Variants in ZBBX observed in about 807,000 individuals in gnomAD.
ZBBX encodes the protein zinc finger B-box domain containing.
ZBBX carries 101 observed loss-of-function variants against 108.5 expected under a neutral mutation model. The observed-to-expected ratio is 0.93, with a 90% CI of 0.79 to 1.10. ZBBX has a LOEUF of 1.10. Ranked by LOEUF, ZBBX falls within the 50% of genes least tolerant of loss-of-function variation. ZBBX has a pLI of 0.00. For missense variants in ZBBX, 1,009 were observed against 941.4 expected (o/e 1.07, Z -0.94); for synonymous variants, 356 against 323.4 (o/e 1.10, Z -1.08).
At chr3:167,323,046 C>T (rs1393396893) in intron 11 of ZBBX, among the ~76,000 whole-genome samples, 1 of 152,030 alleles carries the variant, frequency 6.6e-6, no homozygotes, top group Non-Finnish European at 1.5e-5. Flanking sequence ...AATCCCACTT[C>T]TATTTTTCCC....
At chr3:167,184,192 A>G in the ZBBX span, among the ~76,000 whole-genome samples, 2 of 152,246 alleles carry the variant, frequency 1.3e-5, no homozygotes, top group South Asian at 2.1e-4. Flanking sequence ...ATATGTAAAA[A>G]GAAAATAAAA....
At chr3:167,196,264 G>A in the ZBBX span, among the ~76,000 whole-genome samples, 1 of 152,204 alleles carries the variant, frequency 6.6e-6, no homozygotes, top group African/African-American at 2.4e-5. Flanking sequence ...ATGCTATCAT[G>A]TGAAACCAAT....
chr3:167,341,223 A>G (rs1049485251), intron 9 of ZBBX, among the ~76,000 whole-genome samples: 3 of 151,900 alleles, frequency 2.0e-5, no homozygotes, highest in Non-Finnish European at 4.4e-5. Context: ...AAAAAAAGCA[A>G]AGACCTGGAC....
chr3:167,246,177 C>A (rs1364927719), intron 20 of ZBBX, among the ~76,000 whole-genome samples: 1 of 152,194 alleles, frequency 6.6e-6, no homozygotes, highest in Non-Finnish European at 1.5e-5. Flanking sequence ...ATTATTATTA[C>A]TGATTAAATG....
intron 8 of ZBBX, among the ~76,000 whole-genome samples, chr3:167,359,327 T>G (rs1438175581): frequency 6.6e-6 from 1 of 152,064 alleles, no homozygotes; most frequent in Non-Finnish European, 1.5e-5. Flanking sequence ...CTTTCCAGGG[T>G]AAAGGTAATC....
At chr3:167,265,087 G>A (rs1030812349) in intron 20 of ZBBX, among the ~76,000 whole-genome samples, 2 of 152,218 alleles carry the variant, frequency 1.3e-5, no homozygotes, top group Non-Finnish European at 2.9e-5. Flanking sequence ...GGCCAAGCTG[G>A]TAGCCAGGGT....
the ZBBX span, among the ~76,000 whole-genome samples, chr3:167,192,060 T>C: frequency 6.6e-6 from 1 of 151,584 alleles, no homozygotes; most frequent in Non-Finnish European, 1.5e-5. Flanking sequence ...ATATTGCTTG[T>C]CTCTTGACAG....
chr3:167,297,503 G>C (rs1241066680), intron 18 of ZBBX, among the ~76,000 whole-genome samples: 1 of 151,748 alleles, frequency 6.6e-6, no homozygotes, highest in Non-Finnish European at 1.5e-5. Context: ...TGAAGGAACA[G>C]GCAAGAGCAG....
chr3:167,268,533 A>G (rs1725969083), intron 20 of ZBBX, among the ~76,000 whole-genome samples: 1 of 152,114 alleles, frequency 6.6e-6, no homozygotes, highest in South Asian at 2.1e-4. Context: ...CCCTGAACCC[A>G]CAACCTCTCT....
chr3:167,348,594 T>C (rs1259607056), intron 9 of ZBBX, among the ~76,000 whole-genome samples: 2 of 152,104 alleles, frequency 1.3e-5, no homozygotes, highest in Non-Finnish European at 2.9e-5. Flanking sequence ...CATCAAATTA[T>C]GCACCTTAAT....
At chr3:167,187,952 T>C in the ZBBX span, among the ~76,000 whole-genome samples, 2,024 of 152,312 alleles carry the variant, frequency 0.013, 22 homozygotes, top group South Asian at 0.026. Context: ...ATTGGTAGAA[T>C]GGCTTAAACT....
rs1163267312 is a variant in ZBBX at position 167,317,550 on chromosome 3, T to C, written c.1031A>G (p.His344Arg). The C allele has an allele frequency of 6.2e-7, 1 of 1,611,308 alleles. No homozygotes were observed. The highest frequency in any genetic ancestry group is 8.5e-7 in the Non-Finnish European group (1 of 1,178,460). Residue 344 changes from histidine (H) to arginine (R), a missense_variant, in exon 13 of 22, where the codon CAT becomes CGT. Coordinates refer to ENST00000675490, the MANE Select transcript of ZBBX (RefSeq NM_001199201.2). Reference protein sequence around the residue: ...LFKMLPDTFPHPHETTGDAQC... With the variant: ...LFKMLPDTFPRPHETTGDAQC... ...TGCATCACCAGTGGTTTCATGTGGA[T>C]GTGGGAACGTATCTGGTAGCATTTT...
At chr3:167,245,627 G>T (rs1405852779) in intron 20 of ZBBX, among the ~76,000 whole-genome samples, 2 of 152,124 alleles carry the variant, frequency 1.3e-5, no homozygotes, top group East Asian at 1.9e-4. Flanking sequence ...TTTCCTCCTT[G>T]CTGTTCTCAT....
the ZBBX span, among the ~76,000 whole-genome samples, chr3:167,230,643 G>C: frequency 6.6e-6 from 1 of 151,758 alleles, no homozygotes; most frequent in Non-Finnish European, 1.5e-5. Context: ...CCTTGAGTCC[G>C]AACAACAGCA....
chr3:167,220,368 A>C, the ZBBX span, among the ~76,000 whole-genome samples: 2 of 152,072 alleles, frequency 1.3e-5, no homozygotes, highest in East Asian at 3.9e-4. Flanking sequence ...TTAACAACAC[A>C]TTAAAAAGAT....
chr3:167,258,607 A>G lies in ZBBX; in HGVS notation c.2255-15964T>C, dbSNP rs557895160. Among the ~76,000 whole-genome samples, 4 of 152,040 alleles carry G rather than the reference A, an allele frequency of 2.6e-5. No homozygotes were observed. The East Asian group carries it at 7.7e-4, about 29-fold the overall frequency. ...CCACTTCTCAGAGGAAATGCTTTCA[A>G]CTTTTCCCCAGATGGCTTTTTTACA... On this transcript the variant is annotated intron_variant, in intron 20 of 21. Transcript: ENST00000675490.
rs747344987 is a variant in ZBBX at position 167,305,832 on chromosome 3, AC to A, written c.1535del (p.Gly512ValfsTer2). The A allele has an allele frequency of 3.1e-6, 5 of 1,611,852 alleles. No homozygotes were observed. The highest frequency in any genetic ancestry group is 4.2e-6 in the Non-Finnish European group (5 of 1,179,086). ...FERNLKEKNI[G>X]LESNQKSDDS... is the part of the protein sequence containing the mutation. ...CATCAGACTTTTGATTACTTTCTAA[AC>A]CTATATTTTTCTCCTTTAAATTTCT... On this transcript the variant is annotated frameshift_variant, in exon 17 of 22. Transcript: ENST00000675490. LOFTEE classifies it high-confidence loss of function.
At chr3:167,334,063 T>A in intron 9 of ZBBX, 78 bp from the exon 10 acceptor site, 3 of 919,596 alleles carry the variant, frequency 3.3e-6, no homozygotes, top group Non-Finnish European at 4.6e-6. Context: ...CTCATATTTG[T>A]GTTATTCTAT....
At chr3:167,401,891 T>C (rs1748434047) in intron 1 of ZBBX, among the ~76,000 whole-genome samples, 1 of 152,038 alleles carries the variant, frequency 6.6e-6, no homozygotes, top group Admixed American at 6.6e-5. Flanking sequence ...AAAGATAAAA[T>C]AAAAATCATA....
Sources: gnomAD v4.1 joint callset for allele counts (sites outside exome capture counted in the v4.1 genomes callset) on GRCh38, gnomAD v4.1.1 for gene constraint, MANE v1.5 for transcripts, NCBI Gene and HGNC (gene_info 2026-07-23, HGNC 2026-07-21) for gene names.